The following ICA1L variants were observed in gnomAD, a reference collection of about 807,000 sequenced individuals.
ICA1L encodes the protein islet cell autoantigen 1-like protein.
ICA1L carries 50 observed loss-of-function variants against 61.3 expected under a neutral mutation model. That is an observed-to-expected ratio of 0.82 (90% CI 0.65 to 1.03). The LOEUF (loss-of-function observed/expected upper bound fraction) is 1.03. Ranked by LOEUF, ICA1L falls within the 50% of genes least tolerant of loss-of-function variation. The probability of loss-of-function intolerance (pLI) is 0.00; values close to 1 mark genes in which losing one functional copy is unlikely to be tolerated. For synonymous variants in ICA1L, 161 were observed against 191.3 expected (o/e 0.84, Z 1.31); for missense variants, 508 against 556.7 (o/e 0.91, Z 0.88).
rs372151557 is a variant in ICA1L, at chr2:202,816,786, G to A, written c.684+632C>T. On this transcript the variant is annotated intron_variant, in intron 6 of 12. Coordinates refer to ENST00000358299, the MANE Select transcript of ICA1L (RefSeq NM_001288622.3). ...TACAGTTTATTCAATTTTTTCCATT[G>A]AAAAATATATGTAAAAATCAATAGC... is the stretch of plus-strand genomic sequence containing the variant. 5.3e-5 allele frequency among the ~76,000 whole-genome samples: 8 copies of A among 152,124 alleles called. No individual in the cohort carries two copies. In the East Asian group the frequency reaches 1.5e-3, roughly 29 times the overall value.
chr2:202,792,575 C>T (rs568044799), intron 10 of ICA1L, among the ~76,000 whole-genome samples: 7 of 152,194 alleles, frequency 4.6e-5, no homozygotes, highest in Admixed American at 6.5e-5. Flanking sequence ...GAGGCTGAGG[C>T]GGGCAGATCA....
intron 1 of ICA1L, among the ~76,000 whole-genome samples, chr2:202,855,079 A>G (rs1234595307): frequency 1.3e-5 from 2 of 152,216 alleles, no homozygotes; most frequent in East Asian, 3.8e-4. Flanking sequence ...GAGCAGAAAT[A>G]AAGAAGTTCT....
At chr2:202,825,442 C>G (rs983558999) in intron 3 of ICA1L, 143 of 942,950 alleles carry the variant, frequency 1.5e-4, no homozygotes, top group Non-Finnish European at 1.8e-4. Flanking sequence ...TGCACTCCAA[C>G]CTGAGTGACA....
chr2:202,815,408 T>C (rs190568800), intron 7 of ICA1L, among the ~76,000 whole-genome samples: 1 of 152,224 alleles, frequency 6.6e-6, no homozygotes, highest in Admixed American at 6.5e-5. Context: ...AGTTAAAAGG[T>C]ACTGAAACCT....
chr2:202,847,697 A>ATT (rs1230139014), intron 1 of ICA1L, among the ~76,000 whole-genome samples: 2 of 48,858 alleles, frequency 4.1e-5, no homozygotes, highest in African/African-American at 8.7e-5. Flanking sequence ...TATGGGAATT[A>ATT]TATATATATA....
intron 2 of ICA1L, 55 bp downstream of exon 2, chr2:202,828,793 T>C: frequency 1.4e-6 from 2 of 1,455,140 alleles, no homozygotes; most frequent in Non-Finnish European, 9.6e-7. Flanking sequence ...GCAGTTCCCC[T>C]TGGAGCCCCA....
chr2:202,810,523 C>T (rs760609863), intron 9 of ICA1L, among the ~76,000 whole-genome samples: 10 of 152,094 alleles, frequency 6.6e-5, no homozygotes, highest in South Asian at 4.1e-4. Context: ...GGATGTATGT[C>T]GCCTCAGGAC....
At chr2:202,846,309 G>A (rs1694463088) in intron 1 of ICA1L, among the ~76,000 whole-genome samples, 1 of 151,196 alleles carries the variant, frequency 6.6e-6, no homozygotes, top group Non-Finnish European at 1.5e-5. Flanking sequence ...GTGCAGCAGT[G>A]CCATTATGCT....
In ICA1L at chr2:202,773,823, G is replaced by GC; in HGVS notation, c.*5709dup. ...GAGCAGGCTGTAAAAGCAAAGGCTA[G>GC]CTGTGCAAGTGCAGCCCTGTGGGAA... On this transcript the variant is annotated 3_prime_UTR_variant, in exon 13 of 13. Transcript: ENST00000358299. The GC allele has an allele frequency of 1.4e-6, 2 of 1,385,726 alleles. No homozygotes were observed. Among genetic ancestry groups the GC allele is most frequent in the Non-Finnish European group, 2.1e-6 (2 of 974,850 alleles). The allele number at this position is 1,385,726 out of a possible 1,614,324, so 85.8% of individuals were successfully genotyped here.
chr2:202,801,070 T>A (rs1574337193), intron 9 of ICA1L, among the ~76,000 whole-genome samples: 1 of 152,018 alleles, frequency 6.6e-6, no homozygotes, highest in Non-Finnish European at 1.5e-5. Context: ...CAGAGGTGGC[T>A]GGAGAAATAA....
rs1694297736 is a variant in ICA1L, at chr2:202,840,533, C to G, written c.-7-11517G>C. On this transcript the variant is annotated intron_variant, in intron 1 of 12. Transcript: ENST00000358299. The stretch of plus-strand genomic sequence containing the variant: ...CGAGCTCAGACCACCTGCATAGCCA[C>G]TGGTGGTCTTCATATGGATATTCAT... The G allele has an allele frequency of 5.3e-5, 29 of 548,020 alleles. 1 individual carries two copies. The highest frequency in any genetic ancestry group is 4.0e-4 in the South Asian group (29 of 72,262). The allele number at this position is 548,020 out of a possible 1,614,324, so 33.9% of individuals were successfully genotyped here.
intron 5 of ICA1L, 112 bp downstream of exon 5, chr2:202,819,589 T>G: frequency 1.2e-6 from 1 of 837,286 alleles, no homozygotes; most frequent in Non-Finnish European, 1.9e-6. Context: ...ACCAAGAATG[T>G]ATAATGAAAC....
At chr2:202,860,677 G>A (rs182429869) in intron 1 of ICA1L, among the ~76,000 whole-genome samples, 44 of 151,378 alleles carry the variant, frequency 2.9e-4, no homozygotes, top group Admixed American at 1.2e-3. Context: ...GCTTGAACCC[G>A]GGACACGGAG....
At chr2:202,836,309 G>A (rs1053292629) in intron 1 of ICA1L, among the ~76,000 whole-genome samples, 1 of 152,170 alleles carries the variant, frequency 6.6e-6, no homozygotes, top group Non-Finnish European at 1.5e-5. Flanking sequence ...TAAATATGGT[G>A]TATCACTATT....
At chr2:202,788,399 TTGGACACAGGA>T (rs1192480378) in intron 11 of ICA1L, among the ~76,000 whole-genome samples, 1 of 152,060 alleles carries the variant, frequency 6.6e-6, no homozygotes, top group Non-Finnish European at 1.5e-5. Flanking sequence ...AGGTGCAGGG[TTGGACACAGGA>T]TGGTGGACTC....
chr2:202,773,614 A>G lies in ICA1L; in HGVS notation c.*5919T>C. On this transcript the variant is annotated 3_prime_UTR_variant, in exon 13 of 13. Transcript: ENST00000358299. ...CCACAGTCCTAAGCCTGATATGCTC[A>G]AAGCAAAGCCTCTTTCCCACAAACT... 1 of 607,142 alleles carries G rather than the reference A, an allele frequency of 1.6e-6. No individual in the cohort carries two copies. The highest frequency in any genetic ancestry group is 2.0e-5 in the South Asian group (1 of 50,314). The allele number at this position is 607,142 out of a possible 1,614,324, so 37.6% of individuals were successfully genotyped here. A position where few individuals can be genotyped will look rare whatever the true frequency, so the allele number is the denominator to read the frequency against.
intron 1 of ICA1L, among the ~76,000 whole-genome samples, chr2:202,852,705 A>C (rs1694663566): frequency 6.8e-6 from 1 of 146,116 alleles, no homozygotes. Context: ...AAGTGTACCT[A>C]TTTCTCCACA....
At chr2:202,784,805 A>T (rs546682724) in intron 12 of ICA1L, among the ~76,000 whole-genome samples, 6 of 152,312 alleles carry the variant, frequency 3.9e-5, no homozygotes, top group Admixed American at 3.3e-4. Context: ...GTTACCGGGG[A>T]CTTAGGAGAA....
chr2:202,856,646 G>A (rs1235288531), intron 1 of ICA1L, among the ~76,000 whole-genome samples: 1 of 152,148 alleles, frequency 6.6e-6, no homozygotes. Flanking sequence ...TCAGGCAAGA[G>A]AAAGAAATAA....
Sources: allele counts gnomAD v4.1 joint callset (sites outside exome capture counted in the v4.1 genomes callset), GRCh38; gene constraint gnomAD v4.1.1; transcripts MANE v1.5; gene names NCBI Gene and HGNC (gene_info 2026-07-23, HGNC 2026-07-21).